The following ABLIM1 variants were observed in gnomAD, a reference collection of about 807,000 sequenced individuals.
The protein encoded by ABLIM1 is actin binding LIM protein 1.
Under a neutral mutation model 107.0 loss-of-function variants are expected in ABLIM1, and 40 were observed. That is an observed-to-expected ratio of 0.37 (90% CI 0.29 to 0.49). The LOEUF (loss-of-function observed/expected upper bound fraction) is 0.49, where lower values mean the gene tolerates loss of function less well. Among genes scored for constraint, ABLIM1 ranks in the 20% least tolerant of loss-of-function variants. The probability of loss-of-function intolerance (pLI) is 0.97; values close to 1 mark genes in which losing one functional copy is unlikely to be tolerated. For missense variants in ABLIM1, 857 were observed against 1,008.5 expected (o/e 0.85, Z 2.04); for synonymous variants, 357 against 357.3 (o/e 1.00, Z 0.01).
At chr10:114,558,498 G>A (rs1451136349) in intron 4 of ABLIM1, among the ~76,000 whole-genome samples, 1 of 152,164 alleles carries the variant, frequency 6.6e-6, no homozygotes, top group Non-Finnish European at 1.5e-5. Flanking sequence ...CTGCAATCAG[G>A]GCTGGACTCA....
chr10:114,742,322 T>G (rs1249210839), intron 1 of ABLIM1, among the ~76,000 whole-genome samples: 1 of 152,230 alleles, frequency 6.6e-6, no homozygotes, highest in Non-Finnish European at 1.5e-5. Context: ...GTTAGCTAAC[T>G]GCAAAATGCC....
intron 15 of ABLIM1, among the ~76,000 whole-genome samples, chr10:114,446,501 A>G (rs1349924705): frequency 6.6e-6 from 1 of 152,194 alleles, no homozygotes; most frequent in Non-Finnish European, 1.5e-5. Flanking sequence ...AATTGCTTGG[A>G]TTAATCTGGC....
At chr10:114,672,247 C>T (rs1263464135) in intron 1 of ABLIM1, among the ~76,000 whole-genome samples, 5 of 152,100 alleles carry the variant, frequency 3.3e-5, no homozygotes, top group Non-Finnish European at 7.3e-5. Flanking sequence ...GTTGCCCAGG[C>T]TGGAGTGCAG....
intron 1 of ABLIM1, among the ~76,000 whole-genome samples, chr10:114,655,985 A>C (rs1190706245): frequency 6.6e-6 from 1 of 152,136 alleles, no homozygotes; most frequent in African/African-American, 2.4e-5. Context: ...AAAAAGTCAG[A>C]TAAGGCCGGG....
intron 1 of ABLIM1, among the ~76,000 whole-genome samples, chr10:114,646,468 G>A (rs1164971150): frequency 6.6e-6 from 1 of 152,210 alleles, no homozygotes; most frequent in Admixed American, 6.5e-5. Context: ...GGAGCCACAA[G>A]TGGTATAGAG....
chr10:114,485,281 T>C (rs2058022713), intron 8 of ABLIM1: 4 of 1,598,296 alleles, frequency 2.5e-6, no homozygotes, highest in Non-Finnish European at 2.6e-6. Context: ...AGCCCCAGCC[T>C]AGACACAATG....
At chr10:114,798,847 G>C in the ABLIM1 span, among the ~76,000 whole-genome samples, 1 of 152,000 alleles carries the variant, frequency 6.6e-6, no homozygotes, top group Non-Finnish European at 1.5e-5. Flanking sequence ...CCAGGCTGGA[G>C]TGCAGTGGCG....
chr10:114,452,370 G>T (rs2139677051), intron 13 of ABLIM1, among the ~76,000 whole-genome samples: 1 of 152,040 alleles, frequency 6.6e-6, no homozygotes, highest in African/African-American at 2.4e-5. Context: ...TGTTTCCCCA[G>T]AACCGTGGGC....
chr10:114,678,324 C>G (rs1172171602), intron 1 of ABLIM1, among the ~76,000 whole-genome samples: 1 of 152,168 alleles, frequency 6.6e-6, no homozygotes, highest in Non-Finnish European at 1.5e-5. Context: ...AACCTGTTGG[C>G]AAATTTATTG....
Position 114,629,819 on chromosome 10 carries a change from C to A in ABLIM1, c.245-27858G>T, listed in dbSNP as rs1387831175. On this transcript the variant is annotated intron_variant, in intron 1 of 22. Coordinates refer to ENST00000533213, the MANE Select transcript of ABLIM1 (RefSeq NM_002313.7). The surrounding 1 kb of genome is among the most constrained non-coding windows in gnomAD (Gnocchi z 4.0). ...GAAGTTCCCTTTTTCCTATGGAAAC[C>A]CTTGTGTACCTACCAAAAACAAACA... is the stretch of plus-strand genomic sequence containing the variant. Among the ~76,000 whole-genome samples, 2 of 151,494 alleles carry A rather than the reference C, an allele frequency of 1.3e-5. No homozygotes were observed. Among genetic ancestry groups the A allele is most frequent in the Non-Finnish European group, 2.9e-5 (2 of 68,018 alleles).
intron 1 of ABLIM1, among the ~76,000 whole-genome samples, chr10:114,714,943 A>G (rs1344274413): frequency 1.3e-5 from 2 of 152,134 alleles, no homozygotes; most frequent in East Asian, 3.9e-4. Flanking sequence ...CCATCTCCCT[A>G]TTATGCCATG....
chr10:114,587,365 T>C (rs1044203493), intron 2 of ABLIM1, among the ~76,000 whole-genome samples: 3 of 152,182 alleles, frequency 2.0e-5, no homozygotes, highest in Admixed American at 1.3e-4. Flanking sequence ...ACAGACTCTA[T>C]CAAAATATCA....
intron 1 of ABLIM1, among the ~76,000 whole-genome samples, chr10:114,608,824 G>A (rs1378272631): frequency 1.3e-5 from 2 of 151,480 alleles, no homozygotes; most frequent in Non-Finnish European, 2.9e-5. Context: ...AGACAAGCCT[G>A]GTCAACATGG....
At chr10:114,507,096 G>A (rs1036634799) in intron 6 of ABLIM1, among the ~76,000 whole-genome samples, 5 of 152,194 alleles carry the variant, frequency 3.3e-5, no homozygotes, top group Non-Finnish European at 7.3e-5. Flanking sequence ...GGTTAGAGGA[G>A]CCTTCAGGGT....
At chr10:114,609,968 CT>C (rs2140200499) in intron 1 of ABLIM1, among the ~76,000 whole-genome samples, 1 of 152,298 alleles carries the variant, frequency 6.6e-6, no homozygotes, top group Non-Finnish European at 1.5e-5. Context: ...AAGAAACAGT[CT>C]TACTTTGGCC....
chr10:114,450,048 T>A, intron 14 of ABLIM1: 1 of 359,056 alleles, frequency 2.8e-6, no homozygotes, highest in Admixed American at 4.6e-5. Context: ...GACCTAAAGA[T>A]AGTATTTTTT....
At chr10:114,573,291 T>C (rs184070174) in intron 3 of ABLIM1, among the ~76,000 whole-genome samples, 1 of 152,236 alleles carries the variant, frequency 6.6e-6, no homozygotes, top group African/African-American at 2.4e-5. Flanking sequence ...AATAGAGATA[T>C]TAACTCCTGG....
intron 6 of ABLIM1, among the ~76,000 whole-genome samples, chr10:114,493,932 C>T (rs1308242976): frequency 2.6e-5 from 4 of 152,190 alleles, no homozygotes; most frequent in Non-Finnish European, 5.9e-5. Flanking sequence ...AGAATAAATG[C>T]ACACACAAAA....
rs147705117 is a variant in ABLIM1 at position 114,463,532 on chromosome 10, T to TA, written c.1441+2165dup. ...CAACAGAACCCTCTGAAATGCTTATTAAAAAAAATGACAATCATTGTATTT... is the reference window on the plus strand; with the variant it reads ...CAACAGAACCCTCTGAAATGCTTATTAAAAAAAAATGACAATCATTGTATTT... On this transcript the variant is annotated intron_variant, in intron 12 of 22. Transcript: ENST00000533213. Among the ~76,000 whole-genome samples, 1,243 of 151,248 alleles carry TA rather than the reference T, an allele frequency of 8.2e-3. 9 individuals carry two copies. Among genetic ancestry groups the TA allele is most frequent in the African/African-American group, 0.029 (1,190 of 41,260 alleles).
Sources: allele counts gnomAD v4.1 joint callset (sites outside exome capture counted in the v4.1 genomes callset), GRCh38; gene constraint gnomAD v4.1.1; non-coding constraint Gnocchi (gnomAD v3.1); transcripts MANE v1.5; gene names NCBI Gene and HGNC (gene_info 2026-07-23, HGNC 2026-07-21).